GRM8: variants seen among roughly 807,000 people sequenced by gnomAD.
The protein encoded by GRM8 is metabotropic glutamate receptor 8.
GRM8 carries 47 observed loss-of-function variants against 87.2 expected under a neutral mutation model. That is an observed-to-expected ratio of 0.54 (90% CI 0.43 to 0.69). The LOEUF (loss-of-function observed/expected upper bound fraction) is 0.69. GRM8 is among the 30% of genes least tolerant of loss of function. GRM8 has a pLI of 0.00. For synonymous variants in GRM8, 396 were observed against 404.5 expected, an observed-to-expected ratio of 0.98 and a Z score of 0.25; for missense variants, 1,019 against 1,139.2, an observed-to-expected ratio of 0.89 and a Z score of 1.52.
intron 2 of GRM8, among the ~76,000 whole-genome samples, chr7:127,147,481 A>G (rs1460938806): frequency 6.6e-6 from 1 of 152,002 alleles, no homozygotes; most frequent in Non-Finnish European, 1.5e-5. Flanking sequence ...AATAAGCTGC[A>G]GTTTTCTCTT....
chr7:126,558,772 G>T (rs1747469704), intron 8 of GRM8, among the ~76,000 whole-genome samples: 1 of 152,090 alleles, frequency 6.6e-6, no homozygotes, highest in Admixed American at 6.5e-5. Flanking sequence ...TGTGGAACCT[G>T]CAGATACCAA....
intron 1 of GRM8, among the ~76,000 whole-genome samples, chr7:127,246,269 A>T (rs1199590550): frequency 2.0e-5 from 3 of 152,188 alleles, no homozygotes; most frequent in Non-Finnish European, 2.9e-5. Context: ...CTTTAATCCA[A>T]GCTCATCCTA....
At chr7:127,235,037 A>G (rs1207724210) in intron 2 of GRM8, among the ~76,000 whole-genome samples, 1 of 152,194 alleles carries the variant, frequency 6.6e-6, no homozygotes, top group Non-Finnish European at 1.5e-5. Flanking sequence ...ATAGACCCTG[A>G]CTTATTCTAG....
At chr7:126,966,952 T>C (rs1016153396) in intron 3 of GRM8, among the ~76,000 whole-genome samples, 2 of 152,198 alleles carry the variant, frequency 1.3e-5, no homozygotes, top group Admixed American at 6.5e-5. Context: ...GCTGCTAGCT[T>C]TGTAATACAA....
chr7:127,243,469 G>A lies in GRM8; in HGVS notation c.-265C>T. 2.2e-6 allele frequency: 1 copy of A among 457,034 alleles called. No individual in the cohort carries two copies. Among genetic ancestry groups the A allele is most frequent in the Non-Finnish European group, 3.9e-6 (1 of 259,212 alleles). 28.3% of individuals were successfully genotyped at this position (457,034 alleles called of 1,614,324 possible). On this transcript the variant is annotated 5_prime_UTR_variant, in exon 2 of 11. Transcript: ENST00000339582. ...ATCTGAGGTTCTGATGTTGGGATGAGGTCAACAATTCATGTCCTTGAAATC... is the reference window on the plus strand; with the variant it reads ...ATCTGAGGTTCTGATGTTGGGATGAAGTCAACAATTCATGTCCTTGAAATC...
chr7:126,826,592 G>T (rs1441897506), intron 6 of GRM8, among the ~76,000 whole-genome samples: 1 of 152,048 alleles, frequency 6.6e-6, no homozygotes, highest in Non-Finnish European at 1.5e-5. Flanking sequence ...ATTTGTTTGA[G>T]TTCATTGTAG....
intron 7 of GRM8, among the ~76,000 whole-genome samples, chr7:126,705,922 C>T (rs571638393): frequency 4.6e-5 from 7 of 151,854 alleles, no homozygotes; most frequent in Non-Finnish European, 1.0e-4. Context: ...ATGTTATGGG[C>T]TGTCTGGTTT....
At chr7:126,446,045 G>A in intron 10 of GRM8, 81 bp downstream of exon 10, 2 of 1,538,144 alleles carry the variant, frequency 1.3e-6, no homozygotes, top group Non-Finnish European at 1.8e-6. Flanking sequence ...CAATCCCCAA[G>A]ACTAGGAGAA....
chr7:127,140,161 CTA>C (rs1828181586), intron 2 of GRM8, among the ~76,000 whole-genome samples: 1 of 152,130 alleles, frequency 6.6e-6, no homozygotes, highest in Admixed American at 6.5e-5. Context: ...TAATCTTAAT[CTA>C]TTTCAGCTTT....
intron 7 of GRM8, among the ~76,000 whole-genome samples, chr7:126,699,064 A>C (rs572082544): frequency 6.6e-6 from 1 of 152,156 alleles, no homozygotes; most frequent in Non-Finnish European, 1.5e-5. Flanking sequence ...ACTGTCCTCA[A>C]AGTTTAGCAA....
At chr7:126,592,284 A>G (rs1796744510) in intron 8 of GRM8, among the ~76,000 whole-genome samples, 1 of 151,956 alleles carries the variant, frequency 6.6e-6, no homozygotes, top group South Asian at 2.1e-4. Flanking sequence ...TTACAAGATC[A>G]GCATCACCCT....
intron 2 of GRM8, among the ~76,000 whole-genome samples, chr7:127,130,647 G>A (rs960742979): frequency 6.6e-6 from 1 of 152,140 alleles, no homozygotes; most frequent in African/African-American, 2.4e-5. Context: ...ATGTGAAAAA[G>A]GCATGAGATT....
chr7:127,161,935 G>A (rs5022883), intron 2 of GRM8, among the ~76,000 whole-genome samples: 36,238 of 151,914 alleles, frequency 0.24, 4,479 homozygotes, highest in Middle Eastern at 0.33. Context: ...AAAATTATCA[G>A]GTAAATTATA....
intron 7 of GRM8, among the ~76,000 whole-genome samples, chr7:126,725,436 T>C (rs1303673082): frequency 6.6e-6 from 1 of 152,100 alleles, no homozygotes; most frequent in Non-Finnish European, 1.5e-5. Flanking sequence ...TGTTGACTAA[T>C]AGTAAGGCTA....
chr7:126,622,237 C>T (rs1358039048), intron 7 of GRM8, among the ~76,000 whole-genome samples: 1 of 152,124 alleles, frequency 6.6e-6, no homozygotes, highest in African/African-American at 2.4e-5. Flanking sequence ...ACTTCCTTTA[C>T]CTTGTCCCTG....
intron 9 of GRM8, among the ~76,000 whole-genome samples, chr7:126,454,652 T>A (rs1225589558): frequency 6.6e-6 from 1 of 151,634 alleles, no homozygotes; most frequent in African/African-American, 2.4e-5. Flanking sequence ...AGACGGGGTC[T>A]TTAAAGAGGT....
At chr7:127,198,365 T>G (rs886002) in intron 2 of GRM8, among the ~76,000 whole-genome samples, 101,953 of 152,046 alleles carry the variant, frequency 0.67, 35,182 homozygotes, top group African/African-American at 0.76. Context: ...CTGAATTTGA[T>G]TCCCAAATCT....
chr7:126,460,179 A>G (rs1046487107), intron 9 of GRM8, among the ~76,000 whole-genome samples: 2 of 151,566 alleles, frequency 1.3e-5, no homozygotes, highest in Admixed American at 6.6e-5. Context: ...TGTCTGATGT[A>G]GATATATGGG....
At chr7:126,680,188 T>C (rs1422592598) in intron 7 of GRM8, among the ~76,000 whole-genome samples, 1 of 152,120 alleles carries the variant, frequency 6.6e-6, no homozygotes, top group Non-Finnish European at 1.5e-5. Context: ...AACTGGTAGT[T>C]ATTTATGGTG....
Sources: gnomAD v4.1 joint callset for allele counts (sites outside exome capture counted in the v4.1 genomes callset) on GRCh38, gnomAD v4.1.1 for gene constraint, MANE v1.5 for transcripts, NCBI Gene and HGNC (gene_info 2026-07-23, HGNC 2026-07-21) for gene names.